Variants in CNTNAP1 observed in about 807,000 individuals in gnomAD.
CNTNAP1 encodes the protein contactin-associated protein 1.
A neutral mutation model predicts 161.5 loss-of-function variants in CNTNAP1; 80 were observed. That is an observed-to-expected ratio of 0.50 (90% CI 0.41 to 0.60). The LOEUF (loss-of-function observed/expected upper bound fraction) is 0.60. CNTNAP1 is among the 20% of genes least tolerant of loss of function. The pLI is 0.00. For synonymous variants in CNTNAP1, 695 were observed against 733.1 expected, an observed-to-expected ratio of 0.95 and a Z score of 0.84; for missense variants, 1,464 against 1,854.8, an observed-to-expected ratio of 0.79 and a Z score of 3.87.
chr17:42,695,525 T>A lies in CNTNAP1; in HGVS notation c.2997T>A (p.Ile999=), dbSNP rs770409911. Reference sequence around the variant, plus strand: ...CCTCCCTGCTTCTACCTGCAGATATTGGTGGTTTCTTTGAGCCGGGCACCT... The same window carrying A: ...CCTCCCTGCTTCTACCTGCAGATATAGGTGGTTTCTTTGAGCCGGGCACCT... ...AFDGPYCNHD[I]GGFFEPGTWM... Residue 999 remains isoleucine (I), a synonymous_variant, in exon 19 of 24, where the codon ATT becomes ATA. Transcript: ENST00000264638. 1.7e-5 allele frequency: 27 copies of A among 1,602,582 alleles called. No individual in the cohort carries two copies. Among genetic ancestry groups the A allele is most frequent in the Non-Finnish European group, 2.1e-5 (25 of 1,171,260 alleles).
In CNTNAP1 at chr17:42,693,473, C is replaced by T. The variant is rs752214879; in HGVS notation, c.2929C>T (p.Arg977Cys). The stretch of plus-strand genomic sequence containing the variant: ...TTTCCATGGAGGCCGCTGCGTGGAG[C>T]GCTATAGCTACTACACGTGTGACTG... Reference protein sequence around the residue: ...PCFHGGRCVERYSYYTCDCDL... With the variant: ...PCFHGGRCVECYSYYTCDCDL... The change falls in exon 18 of 24, where the codon CGC becomes TGC. Residue 977 changes from arginine (R) to cysteine (C), a missense_variant. Arg to Cys is a radical substitution (Grantham distance 180). Coordinates refer to ENST00000264638, the MANE Select transcript of CNTNAP1 (RefSeq NM_003632.3). 27 of 1,614,048 alleles carry T rather than the reference C, an allele frequency of 1.7e-5. No individual in the cohort carries two copies. Among genetic ancestry groups the T allele is most frequent in the Middle Eastern group, 1.6e-4 (1 of 6,084 alleles).
chr17:42,684,197 T>C lies in CNTNAP1; in HGVS notation c.331T>C (p.Trp111Arg). The change falls in exon 3 of 24, where the codon TGG becomes CGG. Residue 111 changes from tryptophan (W) to arginine (R), a missense_variant. Physicochemically the swap from Trp to Arg is moderately radical, Grantham distance 101. Coordinates refer to ENST00000264638, the MANE Select transcript of CNTNAP1 (RefSeq NM_003632.3). ...ACTCTACGGCGACCGAGTGGACAGC[T>C]GGACACCGTTCTACCAGCGAGGGCA... ...MLLYGDRVDS[W>R]TPFYQRGHNS... 6.2e-7 allele frequency: 1 copy of C among 1,613,954 alleles called. No individual in the cohort carries two copies. The highest frequency in any genetic ancestry group is 8.5e-7 in the Non-Finnish European group (1 of 1,179,958).
At chr17:42,692,783 C>A in intron 17 of CNTNAP1, 63 bp downstream of exon 17, 1 of 1,451,012 alleles carries the variant, frequency 6.9e-7, no homozygotes, top group South Asian at 1.3e-5. Context: ...CAAGGCCACT[C>A]GCCTTGTTTC....
In CNTNAP1 at chr17:42,686,841, C is replaced by T. The variant is rs549516000; in HGVS notation, c.901-62C>T. The stretch of plus-strand genomic sequence containing the variant: ...CATTTGGGAAAGCATACGGCGGGGA[C>T]GCGCGAGAAAGGCAGGCGCCCTCCT... On this transcript the variant is annotated intron_variant, in intron 6 of 23. Coordinates refer to ENST00000264638, the MANE Select transcript of CNTNAP1 (RefSeq NM_003632.3). The T allele has an allele frequency of 6.6e-6, 10 of 1,520,784 alleles. No individual in the cohort carries two copies. The African/African-American group carries it at 1.2e-4, about 19-fold the overall frequency. 94.2% of individuals were successfully genotyped at this position (1,520,784 alleles called of 1,614,324 possible). A position where few individuals can be genotyped will look rare whatever the true frequency, so the allele number is the denominator to read the frequency against.
In CNTNAP1 at chr17:42,697,386, C is replaced by T. The variant is rs377414361; in HGVS notation, c.3568+19C>T. The T allele has an allele frequency of 5.3e-5, 86 of 1,612,818 alleles. No homozygotes were observed. Among genetic ancestry groups the T allele is most frequent in the Middle Eastern group, 1.6e-4 (1 of 6,084 alleles). On this transcript the variant is annotated intron_variant, in intron 21 of 23. Coordinates refer to ENST00000264638, the MANE Select transcript of CNTNAP1 (RefSeq NM_003632.3). ...GTGATGGGTAAGCTGCGGGTGCGGA[C>T]GCGTTTTAGGCAAGGAGCTGTGGCA...
Position 42,697,641 on chromosome 17 carries a change from C to T in CNTNAP1, c.3656C>T (p.Ala1219Val), listed in dbSNP as rs771175667. The stretch of plus-strand genomic sequence containing the variant: ...TCTGGTGTTCGATTCAACAACGTGG[C>T]TCCCCTCAAGACCCACTTCCGAACC... The part of the protein sequence containing the change: ...CLSGVRFNNV[A>V]PLKTHFRTPR... The change falls in exon 22 of 24, where the codon GCT (alanine) becomes GTT (valine). Residue 1219 changes from alanine to valine, a missense_variant. Physicochemically the swap from Ala to Val is moderately conservative, Grantham distance 64. This residue lies in a region of CNTNAP1 where 1,383 missense variants were observed against 1,765.0 expected (regional missense o/e 0.78). Coordinates refer to ENST00000264638, the MANE Select transcript of CNTNAP1 (RefSeq NM_003632.3). 1 of 1,614,162 alleles carries T rather than the reference C, an allele frequency of 6.2e-7. No individual in the cohort carries two copies. The highest frequency in any genetic ancestry group is 1.1e-5 in the South Asian group (1 of 91,086).
At position 42,684,286 on chromosome 17, in the gene CNTNAP1, G is replaced by A. The variant is rs1428314986; in HGVS notation, c.363+57G>A. On this transcript the variant is annotated intron_variant, in intron 3 of 23. Coordinates refer to ENST00000264638, the MANE Select transcript of CNTNAP1 (RefSeq NM_003632.3). ...GGAGCTTCCTCTGCTCCAGGCTCTG[G>A]GCCGGGCACCAGCCTCTGGGAAAAT... 39 of 1,532,770 alleles carry A rather than the reference G, an allele frequency of 2.5e-5. 1 individual carries two copies. In the South Asian group the frequency reaches 4.7e-4, roughly 18 times the overall value. The allele number at this position is 1,532,770 out of a possible 1,614,324, so 94.9% of individuals were successfully genotyped here.
intron 8 of CNTNAP1, 91 bp from the exon 9 acceptor site, chr17:42,688,370 GA>G: frequency 6.5e-7 from 1 of 1,549,492 alleles, no homozygotes; most frequent in Non-Finnish European, 8.9e-7. Flanking sequence ...CTGCTACTGG[GA>G]CACAGTGGGG....
intron 16 of CNTNAP1, 32 bp downstream of exon 16, chr17:42,692,023 G>T: frequency 6.2e-7 from 1 of 1,602,880 alleles, no homozygotes; most frequent in Admixed American, 1.7e-5. Context: ...GGGCCTCGGG[G>T]TAGATGAAAG....
chr17:42,686,476 T>TTTTTTTTTG lies in CNTNAP1; in HGVS notation c.900+343_900+344insGTTTTTTTT, dbSNP rs2053013882. Among the ~76,000 whole-genome samples the TTTTTTTTTG allele has an allele frequency of 1.5e-4, 17 of 116,970 alleles. 3 individuals are homozygous for TTTTTTTTTG. The highest frequency in any genetic ancestry group is 1.0e-3 in the South Asian group (4 of 3,834). 76.7% of individuals were successfully genotyped at this position (116,970 alleles called of 152,430 possible). On this transcript the variant is annotated intron_variant, in intron 6 of 23. Coordinates refer to ENST00000264638, the MANE Select transcript of CNTNAP1 (RefSeq NM_003632.3). ...CTCACCAGAAAAAGGCCTGTTTTTT[T>TTTTTTTTTG]TTTTTTTTTTTTTTTTTGTGGGTGT...
chr17:42,691,094 A>C lies in CNTNAP1; in HGVS notation c.2060-43A>C, dbSNP rs752842598. 9 of 1,608,084 alleles carry C rather than the reference A, an allele frequency of 5.6e-6. No individual in the cohort carries two copies. In the Admixed American group the frequency reaches 1.3e-4, roughly 24 times the overall value. On this transcript the variant is annotated intron_variant, in intron 13 of 23. Transcript: ENST00000264638. This position sits in a 1 kb window ranked among gnomAD's most constrained non-coding sequence, Gnocchi z 4.3. ...AAGGGCGAGAGGAGCCCAGAGGCTA[A>C]TGGAGGGACAGGGCCTGGAAGCTGC... is the stretch of plus-strand genomic sequence containing the variant.
chr17:42,690,642 G>A, intron 12 of CNTNAP1, 97 bp from the exon 13 acceptor site: 1 of 1,262,256 alleles, frequency 7.9e-7, no homozygotes, highest in South Asian at 1.3e-5. Flanking sequence ...GCCACGTTCA[G>A]TGGCTCTGAG....
chr17:42,689,628 G>GT lies in CNTNAP1; in HGVS notation c.1735+2dup. 1 of 1,612,972 alleles carries GT rather than the reference G, an allele frequency of 6.2e-7. No individual in the cohort carries two copies. The highest frequency in any genetic ancestry group is 1.3e-5 in the African/African-American group (1 of 74,998). ...TACAAGGGAGAGACCTGCCACACAC[G>GT]TAAGCCAGATGTGGTATGGGGGGAG... On this transcript the variant is annotated splice_donor_variant, in intron 11 of 23. Coordinates refer to ENST00000264638, the MANE Select transcript of CNTNAP1 (RefSeq NM_003632.3). LOFTEE classifies it high-confidence loss of function.
intron 18 of CNTNAP1, 36 bp downstream of exon 18, chr17:42,693,572 T>C (rs2053119302): frequency 2.5e-6 from 4 of 1,603,754 alleles, no homozygotes; most frequent in African/African-American, 1.3e-5. Flanking sequence ...CAGGGAGCCA[T>C]AGGGTGTAAT....
chr17:42,682,999 G>A, intron 1 of CNTNAP1, 103 bp downstream of exon 1: 2 of 1,099,074 alleles, frequency 1.8e-6, no homozygotes, highest in Non-Finnish European at 2.5e-6. Context: ...GGTCCTTCCC[G>A]GCCGGCGCGC....
Position 42,696,135 on chromosome 17 carries a change from C to A in CNTNAP1, c.3457C>A (p.Arg1153=). 1.2e-6 allele frequency: 2 copies of A among 1,614,114 alleles called. No individual in the cohort carries two copies. The highest frequency in any genetic ancestry group is 1.7e-6 in the Non-Finnish European group (2 of 1,180,026). The change falls in exon 20 of 24, where the codon CGG becomes AGG. Residue 1153 remains arginine, a synonymous_variant. Transcript: ENST00000264638. ...PHSINITRVY[R]NLFIQVDYFP... Reference sequence around the variant, plus strand: ...TAGCATCAATATCACCCGTGTTTACCGGAACCTCTTCATCCAGGTATGCAT... The same window carrying A: ...TAGCATCAATATCACCCGTGTTTACAGGAACCTCTTCATCCAGGTATGCAT...
rs2052951422 is a variant in CNTNAP1 at position 42,682,760 on chromosome 17, C to T, written c.-70C>T. On this transcript the variant is annotated 5_prime_UTR_variant, in exon 1 of 24. Transcript: ENST00000264638. ...CAAACCCCAGGAGGAGAGCTTGGAG[C>T]CCAAGCCAGAACTCGAGCCCTAGCC... 6.8e-7 allele frequency: 1 copy of T among 1,477,904 alleles called. No homozygotes were observed. The highest frequency in any genetic ancestry group is 9.2e-7 in the Non-Finnish European group (1 of 1,090,126). 91.5% of individuals were successfully genotyped at this position (1,477,904 alleles called of 1,614,324 possible).
Position 42,686,936 on chromosome 17 carries a change from A to T in CNTNAP1, c.934A>T (p.Lys312Ter). 3.1e-6 allele frequency: 5 copies of T among 1,612,522 alleles called. No individual in the cohort carries two copies. The highest frequency in any genetic ancestry group is 4.2e-6 in the Non-Finnish European group (5 of 1,178,896). Reference protein sequence around the residue: ...FIGGLVGAARKNLAYRHNFRG... With the variant: ...FIGGLVGAAR ...CGGAGGTCTGGTGGGCGCCGCGCGG[A>T]AGAACCTGGCCTATCGGCATAACTT... Residue 312 changes from lysine (K) to a stop codon, truncating the protein, a stop_gained, in exon 7 of 24, where the codon AAG becomes TAG. Transcript: ENST00000264638. LOFTEE classifies it high-confidence loss of function.
Position 42,682,817 on chromosome 17 carries a change from C to G in CNTNAP1, c.-13C>G. 1 of 1,563,366 alleles carries G rather than the reference C, an allele frequency of 6.4e-7. No homozygotes were observed. The highest frequency in any genetic ancestry group is 8.6e-7 in the Non-Finnish European group (1 of 1,156,200). ...GTTCACAGGGAGGCGGCTGCCGGGA[C>G]CGTCAGCCCTGCATGATGCATCTCC... is the stretch of plus-strand genomic sequence containing the variant. On this transcript the variant is annotated 5_prime_UTR_variant, in exon 1 of 24. Transcript: ENST00000264638.
Sources: allele counts gnomAD v4.1 joint callset (sites outside exome capture counted in the v4.1 genomes callset), GRCh38; gene constraint gnomAD v4.1.1; regional missense constraint gnomAD v4.1.1; non-coding constraint Gnocchi (gnomAD v3.1); transcripts MANE v1.5; gene names NCBI Gene and HGNC (gene_info 2026-07-23, HGNC 2026-07-21).